Variants in DOCK3 observed in about 807,000 individuals in gnomAD.
DOCK3 encodes dedicator of cytokinesis 3.
In DOCK3, 60 loss-of-function variants were observed where a neutral mutation model predicts 265.6. The observed-to-expected ratio is 0.23, with a 90% confidence interval of 0.18 to 0.28. The LOEUF (loss-of-function observed/expected upper bound fraction) is 0.28. Among genes scored for constraint, DOCK3 ranks in the 10% least tolerant of loss-of-function variants. The pLI is 1.00. For missense variants in DOCK3, 1,981 were observed against 2,594.3 expected (o/e 0.76, Z 5.14); for synonymous variants, 881 against 938.0 (o/e 0.94, Z 1.11).
intron 1 of DOCK3, among the ~76,000 whole-genome samples, chr3:50,679,071 C>G (rs2107652533): frequency 6.6e-6 from 1 of 152,352 alleles, no homozygotes; most frequent in African/African-American, 2.4e-5. Context: ...CCTCGGCCTC[C>G]CGAAGTGCTG....
intron 27 of DOCK3, among the ~76,000 whole-genome samples, chr3:51,296,048 G>A (rs560467586): frequency 6.6e-6 from 1 of 152,198 alleles, no homozygotes; most frequent in South Asian, 2.1e-4. Context: ...TCACTATGTT[G>A]CTCAAGCTAA....
intron 5 of DOCK3, among the ~76,000 whole-genome samples, chr3:50,998,710 A>C (rs2078367645): frequency 6.6e-6 from 1 of 152,230 alleles, no homozygotes; most frequent in South Asian, 2.1e-4. Flanking sequence ...CCAGATTCTA[A>C]ATAAACAATG....
chr3:50,826,920 A>G (rs775512693), intron 2 of DOCK3, among the ~76,000 whole-genome samples: 2 of 152,228 alleles, frequency 1.3e-5, no homozygotes, highest in Non-Finnish European at 2.9e-5. Context: ...TCAGAAGCAC[A>G]TAAGAGAGAA....
chr3:51,018,482 C>G (rs2079451252), intron 5 of DOCK3, among the ~76,000 whole-genome samples: 1 of 150,032 alleles, frequency 6.7e-6, no homozygotes, highest in African/African-American at 2.5e-5. Context: ...AAAAGAACAC[C>G]TCATTATAAG....
intron 23 of DOCK3, among the ~76,000 whole-genome samples, chr3:51,266,940 C>T (rs2080207765): frequency 6.6e-6 from 1 of 152,078 alleles, no homozygotes; most frequent in Non-Finnish European, 1.5e-5. Flanking sequence ...TGACAAACGG[C>T]TAATATCCAA....
At chr3:51,166,051 CT>C (rs754621873) in intron 12 of DOCK3, among the ~76,000 whole-genome samples, 222 of 133,162 alleles carry the variant, frequency 1.7e-3, no homozygotes, top group South Asian at 3.4e-3. Flanking sequence ...TATATATATT[CT>C]TTTTTTTTTT....
chr3:51,068,552 A>AG (rs2081709261), intron 6 of DOCK3, among the ~76,000 whole-genome samples: 1 of 70,154 alleles, frequency 1.4e-5, no homozygotes, highest in Non-Finnish European at 2.7e-5. Flanking sequence ...AAAAAAAAAA[A>AG]AAAAAAAAAA....
chr3:50,983,515 T>C (rs1386213926), intron 5 of DOCK3, among the ~76,000 whole-genome samples: 1 of 152,038 alleles, frequency 6.6e-6, no homozygotes, highest in African/African-American at 2.4e-5. Flanking sequence ...GGAGCTACCC[T>C]TTCTGCTGAA....
intron 1 of DOCK3, among the ~76,000 whole-genome samples, chr3:50,735,042 T>A (rs1312070558): frequency 6.6e-6 from 1 of 152,230 alleles, no homozygotes; most frequent in East Asian, 1.9e-4. Flanking sequence ...GAGAACATCT[T>A]TATCTCTCCT....
intron 9 of DOCK3, among the ~76,000 whole-genome samples, chr3:51,144,575 C>T (rs1169563745): frequency 6.6e-6 from 1 of 152,144 alleles, no homozygotes; most frequent in Non-Finnish European, 1.5e-5. Context: ...GACCAAAGCC[C>T]CTTTTCTCTT....
At chr3:50,720,639 C>T (rs1429025682) in intron 1 of DOCK3, among the ~76,000 whole-genome samples, 2 of 152,068 alleles carry the variant, frequency 1.3e-5, no homozygotes, top group Non-Finnish European at 2.9e-5. Flanking sequence ...GATTTATATT[C>T]CTTTGGATAT....
chr3:51,348,749 G>A, intron 38 of DOCK3, 103 bp from the exon 39 acceptor site: 1 of 1,163,240 alleles, frequency 8.6e-7, no homozygotes, highest in Non-Finnish European at 1.2e-6. Context: ...ATGAGTTGGA[G>A]CTGGCGGGAG....
At chr3:50,917,026 C>G (rs907936226) in intron 4 of DOCK3, among the ~76,000 whole-genome samples, 2 of 151,910 alleles carry the variant, frequency 1.3e-5, no homozygotes, top group Non-Finnish European at 1.5e-5. Flanking sequence ...AGGAAAGACA[C>G]GGATGTTCCA....
At chr3:51,098,303 C>T (rs965383327) in intron 9 of DOCK3, among the ~76,000 whole-genome samples, 8 of 152,228 alleles carry the variant, frequency 5.3e-5, no homozygotes, top group African/African-American at 1.9e-4. Context: ...GATCTGCCTG[C>T]CTTGGCCTCC....
intron 1 of DOCK3, among the ~76,000 whole-genome samples, chr3:50,710,655 C>T (rs993193865): frequency 1.3e-5 from 2 of 152,296 alleles, no homozygotes; most frequent in East Asian, 3.9e-4. Flanking sequence ...AGTCTCACCA[C>T]CCAAAGGAAG....
At chr3:50,680,710 T>C (rs1350624568) in intron 1 of DOCK3, among the ~76,000 whole-genome samples, 1 of 151,582 alleles carries the variant, frequency 6.6e-6, no homozygotes. Context: ...TGGGTCTTGC[T>C]ATTTTACTCA....
intron 12 of DOCK3, among the ~76,000 whole-genome samples, chr3:51,170,710 G>A (rs553463322): frequency 4.6e-5 from 7 of 152,006 alleles, no homozygotes; most frequent in South Asian, 2.1e-4. Context: ...TTTGGGAGGC[G>A]AAGGCGGGCG....
chr3:50,745,243 A>G (rs1180381680), intron 1 of DOCK3, among the ~76,000 whole-genome samples: 3 of 151,804 alleles, frequency 2.0e-5, no homozygotes, highest in Non-Finnish European at 1.5e-5. Flanking sequence ...GTGGGGTTTC[A>G]CTGTGTTGGC....
At chr3:51,110,540 A>T (rs2083470376) in intron 9 of DOCK3, among the ~76,000 whole-genome samples, 1 of 152,230 alleles carries the variant, frequency 6.6e-6, no homozygotes, top group South Asian at 2.1e-4. Context: ...ACATACTCAG[A>T]TGAATAAATG....
Sources: allele counts gnomAD v4.1 joint callset (sites outside exome capture counted in the v4.1 genomes callset), GRCh38; gene constraint gnomAD v4.1.1; transcripts MANE v1.5; gene names NCBI Gene and HGNC (gene_info 2026-07-23, HGNC 2026-07-21).